The following RPH3A variants were observed in gnomAD, a reference collection of about 807,000 sequenced individuals.
RPH3A encodes the protein rabphilin-3A.
In RPH3A, 48 loss-of-function variants were observed where a neutral mutation model predicts 102.2. That is an observed-to-expected ratio of 0.47 (90% CI 0.37 to 0.60). The LOEUF (loss-of-function observed/expected upper bound fraction) is 0.60. RPH3A is among the 20% of genes least tolerant of loss of function. The pLI is 0.00. For missense variants in RPH3A, 781 were observed against 910.1 expected, an observed-to-expected ratio of 0.86 and a Z score of 1.83; for synonymous variants, 310 against 324.3, an observed-to-expected ratio of 0.96 and a Z score of 0.47.
intron 1 of RPH3A, among the ~76,000 whole-genome samples, chr12:112,586,921 C>A (rs1483350297): frequency 6.6e-6 from 1 of 152,176 alleles, no homozygotes. Context: ...CATGATAGAT[C>A]CCTTATGGAG....
intron 1 of RPH3A, among the ~76,000 whole-genome samples, chr12:112,772,416 C>T (rs1446453885): frequency 6.6e-6 from 1 of 152,188 alleles, no homozygotes; most frequent in African/African-American, 2.4e-5. Context: ...GGAGCAACCT[C>T]TAAGTCGCTG....
chr12:112,854,390 T>C (rs190657850), intron 5 of RPH3A, among the ~76,000 whole-genome samples: 17 of 152,394 alleles, frequency 1.1e-4, no homozygotes, highest in African/African-American at 3.8e-4. Flanking sequence ...ATTGGCATCA[T>C]GTGCCAGCAC....
chr12:112,758,005 C>A (rs1021917464), intron 1 of RPH3A, among the ~76,000 whole-genome samples: 1 of 152,214 alleles, frequency 6.6e-6, no homozygotes, highest in African/African-American at 2.4e-5. Flanking sequence ...TTGTATCACT[C>A]ATAGAAATGG....
intron 1 of RPH3A, among the ~76,000 whole-genome samples, chr12:112,719,994 G>A (rs1053797585): frequency 2.0e-5 from 3 of 152,012 alleles, no homozygotes; most frequent in Non-Finnish European, 2.9e-5. Flanking sequence ...TCTCCCCATT[G>A]CACCAAAATA....
At chr12:112,742,170 T>C (rs562878256) in intron 1 of RPH3A, among the ~76,000 whole-genome samples, 5 of 150,714 alleles carry the variant, frequency 3.3e-5, no homozygotes, top group South Asian at 2.1e-4. Context: ...AGGAGAAATT[T>C]TGGGATTGGT....
chr12:112,680,810 C>G (rs2040221315), intron 1 of RPH3A, among the ~76,000 whole-genome samples: 1 of 152,164 alleles, frequency 6.6e-6, no homozygotes. Context: ...GTTCAGTTAG[C>G]ATCCTGCACC....
chr12:112,852,944 C>T (rs111464769), intron 5 of RPH3A, among the ~76,000 whole-genome samples: 14 of 152,254 alleles, frequency 9.2e-5, no homozygotes, highest in East Asian at 3.9e-4. Context: ...GGCTTCCATT[C>T]GAGGTCAGCT....
At chr12:112,744,997 A>T (rs2040734343) in intron 1 of RPH3A, among the ~76,000 whole-genome samples, 1 of 152,200 alleles carries the variant, frequency 6.6e-6, no homozygotes, top group Non-Finnish European at 1.5e-5. Context: ...CAACTGTCCC[A>T]GTAATCTTCT....
Position 112,748,342 on chromosome 12 carries a change from G to GT in RPH3A, c.-139-43792dup, listed in dbSNP as rs796272723. On this transcript the variant is annotated intron_variant, in intron 1 of 21. Transcript: ENST00000543106. ...TCCACCACCACCCCACTCCCCCACT[G>GT]TTTTTTTTTGAGACAGCACCTTACT... 5.2e-4 allele frequency among the ~76,000 whole-genome samples: 79 copies of GT among 150,918 alleles called. 1 individual carries two copies. The Middle Eastern group carries it at 0.01, about 20-fold the overall frequency.
At chr12:112,721,938 A>C (rs1250417101) in intron 1 of RPH3A, among the ~76,000 whole-genome samples, 3 of 152,234 alleles carry the variant, frequency 2.0e-5, no homozygotes, top group Non-Finnish European at 4.4e-5. Flanking sequence ...TAAGTAGAAT[A>C]GAAATGGATT....
chr12:112,620,220 T>A (rs2039712696), intron 1 of RPH3A, among the ~76,000 whole-genome samples: 1 of 152,208 alleles, frequency 6.6e-6, no homozygotes, highest in Admixed American at 6.5e-5. Context: ...CATCTGTTTA[T>A]CCCTAAGCCA....
chr12:112,687,063 T>A (rs901318861), intron 1 of RPH3A, among the ~76,000 whole-genome samples: 4 of 152,170 alleles, frequency 2.6e-5, no homozygotes, highest in African/African-American at 9.7e-5. Context: ...TGCAGTGAAC[T>A]ACGATTGCAC....
At chr12:112,672,071 A>C (rs1384694963) in intron 1 of RPH3A, among the ~76,000 whole-genome samples, 1 of 151,450 alleles carries the variant, frequency 6.6e-6, no homozygotes, top group Non-Finnish European at 1.5e-5. Context: ...ATTGAGATTG[A>C]GATTTTAATG....
At chr12:112,872,125 T>C (rs1259722986) in intron 10 of RPH3A, among the ~76,000 whole-genome samples, 1 of 152,198 alleles carries the variant, frequency 6.6e-6, no homozygotes, top group African/African-American at 2.4e-5. Flanking sequence ...CATTCCGTTT[T>C]CCATGGTGGC....
intron 1 of RPH3A, among the ~76,000 whole-genome samples, chr12:112,604,139 G>A (rs2039577515): frequency 6.6e-6 from 1 of 152,200 alleles, no homozygotes; most frequent in African/African-American, 2.4e-5. Flanking sequence ...ATTTTCTCAA[G>A]AGCACACAGC....
At chr12:112,711,542 G>C (rs1172169973) in intron 1 of RPH3A, among the ~76,000 whole-genome samples, 1 of 152,164 alleles carries the variant, frequency 6.6e-6, no homozygotes, top group Non-Finnish European at 1.5e-5. Context: ...ATGTTTTCTG[G>C]GGGGTATAAG....
intron 1 of RPH3A, among the ~76,000 whole-genome samples, chr12:112,640,325 C>CAAAAAAAAAAAAAAAA (rs1158230534): frequency 7.1e-5 from 1 of 14,078 alleles, no homozygotes; most frequent in African/African-American, 1.2e-4. Flanking sequence ...AACTCCATCT[C>CAAAAAAAAAAAAAAAA]AAAAAAAAAA....
chr12:112,852,830 G>A (rs1364999762), intron 5 of RPH3A, among the ~76,000 whole-genome samples: 1 of 152,154 alleles, frequency 6.6e-6, no homozygotes, highest in African/African-American at 2.4e-5. Flanking sequence ...TCTCTCCCTG[G>A]CATTGGTAAG....
chr12:112,766,000 C>G (rs1202502088), intron 1 of RPH3A, among the ~76,000 whole-genome samples: 2 of 152,208 alleles, frequency 1.3e-5, no homozygotes, highest in African/African-American at 4.8e-5. Flanking sequence ...CAGTGCTTCT[C>G]TGCTTCATTT....
Sources: gnomAD v4.1 joint callset for allele counts (sites outside exome capture counted in the v4.1 genomes callset) on GRCh38, gnomAD v4.1.1 for gene constraint, MANE v1.5 for transcripts, NCBI Gene and HGNC (gene_info 2026-07-23, HGNC 2026-07-21) for gene names.